ADGRB3: variants seen among roughly 807,000 people sequenced by gnomAD.
ADGRB3 encodes the protein adhesion G protein-coupled receptor B3.
ADGRB3 carries 37 observed loss-of-function variants against 193.4 expected under a neutral mutation model. That is an observed-to-expected ratio of 0.19 (90% CI 0.15 to 0.25). ADGRB3 has a LOEUF of 0.25. Among genes scored for constraint, ADGRB3 ranks in the 10% least tolerant of loss-of-function variants. The pLI is 1.00. For synonymous variants in ADGRB3, 690 were observed against 644.2 expected (o/e 1.07, Z -1.08); for missense variants, 1,637 against 1,852.9 (o/e 0.88, Z 2.14).
chr6:69,382,527 G>A (rs963390687), intron 30 of ADGRB3, among the ~76,000 whole-genome samples: 6 of 151,866 alleles, frequency 4.0e-5, no homozygotes, highest in African/African-American at 1.4e-4. Context: ...TTGTAAAACA[G>A]TTTTAACTTT....
chr6:69,005,388 T>C (rs1769718330), intron 11 of ADGRB3, among the ~76,000 whole-genome samples: 1 of 151,798 alleles, frequency 6.6e-6, no homozygotes, highest in Admixed American at 6.6e-5. Flanking sequence ...AAATTCCCCA[T>C]CTGAGCTATT....
At chr6:69,331,188 A>G (rs1019733498) in intron 23 of ADGRB3, among the ~76,000 whole-genome samples, 4 of 152,274 alleles carry the variant, frequency 2.6e-5, no homozygotes, top group Admixed American at 2.6e-4. Flanking sequence ...TCTCTGTTTA[A>G]GAATCATTCC....
rs1010599091 is a variant in ADGRB3 at position 69,256,959 on chromosome 6, A to G, written c.2814+17733A>G. On this transcript the variant is annotated intron_variant, in intron 20 of 31. Transcript: ENST00000370598. ...GACCTTTTCTGCATCTATTGAGATA[A>G]TCATGTGGTTTTTGTCTTTGGTTCT... Among the ~76,000 whole-genome samples, 424 of 148,916 alleles carry G rather than the reference A, an allele frequency of 2.8e-3. 1 individual carries two copies. Among genetic ancestry groups the G allele is most frequent in the Middle Eastern group, 7.2e-3 (2 of 278 alleles).
intron 13 of ADGRB3, among the ~76,000 whole-genome samples, chr6:69,047,716 C>T (rs1355606439): frequency 6.6e-6 from 1 of 152,084 alleles, no homozygotes; most frequent in Non-Finnish European, 1.5e-5. Context: ...AGTACCCTAT[C>T]TAATCCATGA....
chr6:68,942,815 T>G (rs1767679779), intron 5 of ADGRB3, among the ~76,000 whole-genome samples: 1 of 152,136 alleles, frequency 6.6e-6, no homozygotes, highest in South Asian at 2.1e-4. Context: ...TTCACTATTT[T>G]GGCCAGGCTG....
chr6:68,815,854 T>C (rs565971167), intron 3 of ADGRB3, among the ~76,000 whole-genome samples: 1 of 152,264 alleles, frequency 6.6e-6, no homozygotes, highest in Admixed American at 6.5e-5. Flanking sequence ...CTTTTTTTTA[T>C]TTGTTGGGAC....
chr6:68,980,815 G>C (rs1349795676), intron 10 of ADGRB3, among the ~76,000 whole-genome samples: 2 of 151,286 alleles, frequency 1.3e-5, no homozygotes, highest in Non-Finnish European at 3.0e-5. Context: ...ATATAATAAG[G>C]CTGGAACGTG....
At chr6:69,273,536 A>C (rs1158298070) in intron 20 of ADGRB3, among the ~76,000 whole-genome samples, 4 of 152,184 alleles carry the variant, frequency 2.6e-5, no homozygotes, top group Non-Finnish European at 5.9e-5. Context: ...CTGGGTGTGA[A>C]AGGATAAAGT....
intron 17 of ADGRB3, among the ~76,000 whole-genome samples, chr6:69,100,407 A>C (rs1268792193): frequency 2.0e-5 from 3 of 152,208 alleles, no homozygotes; most frequent in African/African-American, 7.2e-5. Flanking sequence ...CTAGGAAAAT[A>C]TTGTCATGAA....
chr6:69,254,251 A>T (rs188379924), intron 20 of ADGRB3, among the ~76,000 whole-genome samples: 1 of 152,334 alleles, frequency 6.6e-6, no homozygotes. Flanking sequence ...TAAACTGCTC[A>T]GCATCAAAAT....
At chr6:68,904,041 GGGAAGGA>G (rs1766471665) in intron 3 of ADGRB3, among the ~76,000 whole-genome samples, 1 of 41,566 alleles carries the variant, frequency 2.4e-5, no homozygotes, top group Admixed American at 2.5e-4. Context: ...AAGGAAGGGA[GGGAAGGA>G]GGGAAGGAGG....
rs185445359 is a variant in ADGRB3, at chr6:69,337,762, C to T, written c.3189-1154C>T. ...TTAATCACTTTCAGATTTATTATCT[C>T]ATATCAGCACTATTCACAAGTGAGT... On this transcript the variant is annotated intron_variant, in intron 24 of 31. Coordinates refer to ENST00000370598, the MANE Select transcript of ADGRB3 (RefSeq NM_001704.3). 2.6e-5 allele frequency among the ~76,000 whole-genome samples: 4 copies of T among 152,276 alleles called. No homozygotes were observed. In the East Asian group the frequency reaches 7.7e-4, roughly 29 times the overall value.
chr6:69,055,460 A>T (rs1771517203), intron 15 of ADGRB3, among the ~76,000 whole-genome samples: 1 of 152,128 alleles, frequency 6.6e-6, no homozygotes, highest in South Asian at 2.1e-4. Context: ...GCATATGATA[A>T]GTTTTTTTTC....
chr6:69,027,840 A>G (rs954584754), intron 13 of ADGRB3, among the ~76,000 whole-genome samples: 1 of 152,218 alleles, frequency 6.6e-6, no homozygotes, highest in Non-Finnish European at 1.5e-5. Context: ...GAGAGCACTC[A>G]AGGAAATATA....
At chr6:69,352,584 G>A (rs764243633) in intron 26 of ADGRB3, among the ~76,000 whole-genome samples, 10 of 152,304 alleles carry the variant, frequency 6.6e-5, no homozygotes, top group South Asian at 4.1e-4. Context: ...GATTAGGACC[G>A]GAGGTGGAGA....
At chr6:68,710,673 C>A (rs1286608296) in intron 3 of ADGRB3, among the ~76,000 whole-genome samples, 1 of 152,104 alleles carries the variant, frequency 6.6e-6, no homozygotes. Flanking sequence ...TCTACTCTGG[C>A]CTTCCTAAAA....
At chr6:68,868,910 G>GGTGTGTGTGTGTGTGT (rs372367034) in intron 3 of ADGRB3, among the ~76,000 whole-genome samples, 1 of 106,472 alleles carries the variant, frequency 9.4e-6, no homozygotes, top group East Asian at 4.3e-4. Context: ...TCCAGATAAT[G>GGTGTGTGTGTGTGTGT]ATGTGTGTGT....
At chr6:69,169,584 A>G (rs569265390) in intron 17 of ADGRB3, among the ~76,000 whole-genome samples, 71 of 150,662 alleles carry the variant, frequency 4.7e-4, no homozygotes, top group African/African-American at 1.5e-3. Flanking sequence ...ATTATAAATT[A>G]AATGATATAA....
chr6:68,886,478 C>T (rs541552548), intron 3 of ADGRB3, among the ~76,000 whole-genome samples: 105 of 152,168 alleles, frequency 6.9e-4, no homozygotes, highest in Admixed American at 1.8e-3. Flanking sequence ...ACATATACTT[C>T]TTCTTTTTAT....
Sources: gnomAD v4.1 joint callset for allele counts (sites outside exome capture counted in the v4.1 genomes callset) on GRCh38, gnomAD v4.1.1 for gene constraint, MANE v1.5 for transcripts, NCBI Gene and HGNC (gene_info 2026-07-23, HGNC 2026-07-21) for gene names.